The following PSPC1 variants were observed in gnomAD, a reference collection of about 807,000 sequenced individuals.
PSPC1 encodes the protein paraspeckle component 1, also known as paraspeckle protein 1.
Under a neutral mutation model 51.6 loss-of-function variants are expected in PSPC1, and 14 were observed. The ratio of observed to expected loss-of-function variants is 0.27; its 90% CI spans 0.18 to 0.42. The LOEUF (loss-of-function observed/expected upper bound fraction) is 0.42, where lower values mean the gene tolerates loss of function less well. Among genes scored for constraint, PSPC1 ranks in the 10% least tolerant of loss-of-function variants. PSPC1 has a pLI of 1.00. For synonymous variants in PSPC1, 193 were observed against 231.9 expected (o/e 0.83, Z 1.53); for missense variants, 406 against 701.1 (o/e 0.58, Z 4.75).
chr13:19,738,823 C>T (rs184083950), intron 5 of PSPC1, among the ~76,000 whole-genome samples: 38 of 151,042 alleles, frequency 2.5e-4, no homozygotes, highest in African/African-American at 8.8e-4. Flanking sequence ...AGGAGAATGG[C>T]GTGAACTCGG....
intron 6 of PSPC1, among the ~76,000 whole-genome samples, chr13:19,682,692 T>C (rs564293512): frequency 3.3e-5 from 5 of 152,250 alleles, no homozygotes; most frequent in African/African-American, 1.2e-4. Context: ...GGAAATCTTA[T>C]ACATTGTTCA....
intron 3 of PSPC1, among the ~76,000 whole-genome samples, chr13:19,752,520 T>A (rs552876662): frequency 6.6e-6 from 1 of 152,140 alleles, no homozygotes; most frequent in South Asian, 2.1e-4. Context: ...CCTCCAAAAG[T>A]GCAAAATTAC....
intron 7 of PSPC1, among the ~76,000 whole-genome samples, chr13:19,677,525 G>T (rs762998379): frequency 1.3e-5 from 2 of 152,140 alleles, no homozygotes; most frequent in Non-Finnish European, 2.9e-5. Context: ...GGTTTCCTAC[G>T]AAGACAGGCC....
At chr13:19,675,757 A>G (rs1433451360) in intron 7 of PSPC1, 1 of 152,236 alleles carries the variant, frequency 6.6e-6, no homozygotes, top group African/African-American at 2.4e-5. Context: ...TTGCTAGACT[A>G]GAATCACTGA....
chr13:19,745,300 CA>C (rs1352003230), intron 4 of PSPC1, among the ~76,000 whole-genome samples: 1 of 152,080 alleles, frequency 6.6e-6, no homozygotes, highest in African/African-American at 2.4e-5. Context: ...GCCTGGGTGA[CA>C]CAGCAAGACT....
chr13:19,778,289 TAA>T (rs1210641446), intron 1 of PSPC1, among the ~76,000 whole-genome samples: 2 of 86,490 alleles, frequency 2.3e-5, no homozygotes, highest in African/African-American at 5.2e-5. Flanking sequence ...ATTAATTTTT[TAA>T]AAAAGAAAAA....
rs746870227 is a variant in PSPC1, at chr13:19,772,242, G to A, written c.674C>T (p.Thr225Met). The change falls in exon 2 of 9, where the codon ACG becomes ATG. Residue 225 changes from threonine (T) to methionine (M), a missense_variant and splice_region_variant. Thr to Met is a moderately conservative substitution (Grantham distance 81). Transcript: ENST00000338910. The part of the protein sequence containing the change: ...RCGDGAFLLT[T>M]TPRPVIVEPM... Reference sequence around the variant, plus strand: ...GAAGGACAAGATATTTAAAACTTACGTTGTTAGCAAGAATGCCCCATCACC... The same window carrying A: ...GAAGGACAAGATATTTAAAACTTACATTGTTAGCAAGAATGCCCCATCACC... 8 of 1,611,158 alleles carry A rather than the reference G, an allele frequency of 5.0e-6. No individual in the cohort carries two copies. The highest frequency in any genetic ancestry group is 4.0e-5 in the African/African-American group (3 of 74,744).
chr13:19,742,394 A>C (rs1311474490), intron 4 of PSPC1, among the ~76,000 whole-genome samples: 3 of 151,706 alleles, frequency 2.0e-5, no homozygotes, highest in Non-Finnish European at 4.4e-5. Context: ...ACTTCGGCCG[A>C]GGAGTTCGAG....
At chr13:19,741,487 T>C (rs1355460979) in intron 5 of PSPC1, 78 bp downstream of exon 5, 7 of 1,039,526 alleles carry the variant, frequency 6.7e-6, no homozygotes, top group Admixed American at 2.4e-5. Flanking sequence ...ACTCAACTTA[T>C]ACAACTTGTA....
intron 6 of PSPC1, chr13:19,679,229 T>G (rs1877003774): frequency 6.6e-6 from 1 of 152,368 alleles, no homozygotes; most frequent in Non-Finnish European, 1.5e-5. Context: ...GTGCAGTGGC[T>G]CACGCCTGTA....
chr13:19,737,830 A>G (rs1434363871), intron 5 of PSPC1, among the ~76,000 whole-genome samples: 4 of 152,172 alleles, frequency 2.6e-5, no homozygotes, highest in African/African-American at 7.2e-5. Flanking sequence ...CATGCCTGTA[A>G]TATCAGCGCT....
chr13:19,780,832 G>C (rs969657656), intron 1 of PSPC1, among the ~76,000 whole-genome samples: 1 of 152,094 alleles, frequency 6.6e-6, no homozygotes, highest in South Asian at 2.1e-4. Context: ...AAAAGATTTT[G>C]TATCGTCCAG....
chr13:19,715,234 G>A (rs1290102881), intron 6 of PSPC1, among the ~76,000 whole-genome samples: 2 of 152,040 alleles, frequency 1.3e-5, no homozygotes, highest in East Asian at 1.9e-4. Context: ...AAATATGGAA[G>A]CCAAAAGGTT....
At chr13:19,715,031 A>C (rs1881927363) in intron 6 of PSPC1, among the ~76,000 whole-genome samples, 1 of 152,210 alleles carries the variant, frequency 6.6e-6, no homozygotes, top group Non-Finnish European at 1.5e-5. Flanking sequence ...ACATAAAACA[A>C]CACCATTCTT....
At chr13:19,780,040 C>T (rs1452817564) in intron 1 of PSPC1, among the ~76,000 whole-genome samples, 69 of 139,216 alleles carry the variant, frequency 5.0e-4, no homozygotes, top group Middle Eastern at 4.6e-3. Context: ...CGGCCAGCCG[C>T]CCCGTCCGGG....
At position 19,723,873 on chromosome 13, in the gene PSPC1, T is replaced by G. The variant is rs574037659; in HGVS notation, c.1158+6366A>C. 1.6e-3 allele frequency among the ~76,000 whole-genome samples: 245 copies of G among 152,316 alleles called. 1 individual carries two copies. Among genetic ancestry groups the G allele is most frequent in the Non-Finnish European group, 3.1e-3 (212 of 68,032 alleles). On this transcript the variant is annotated intron_variant, in intron 6 of 8. Coordinates refer to ENST00000338910, the MANE Select transcript of PSPC1 (RefSeq NM_001354909.2). ...CCGAAACTAGTCACAACTAGAACAT[T>G]ACATATGAGACCATTGCAATGTCTG...
chr13:19,778,888 G>A (rs1389067459), intron 1 of PSPC1, among the ~76,000 whole-genome samples: 211 of 89,044 alleles, frequency 2.4e-3, no homozygotes, highest in African/African-American at 7.1e-3. Context: ...AAAGTGAGGA[G>A]CATCTCCGCC....
At position 19,706,929 on chromosome 13, in the gene PSPC1, T is replaced by C. The variant is rs544317164; in HGVS notation, c.1217-1098A>G. Among the ~76,000 whole-genome samples the C allele has an allele frequency of 6.2e-4, 94 of 152,284 alleles. 1 individual carries two copies. In the South Asian group the frequency reaches 0.01, roughly 17 times the overall value. On this transcript the variant is annotated intron_variant, in intron 7 of 8. Transcript: ENST00000338910. ...ACCTAGCAAATTCATAGGAAGGAAT[T>C]ATTTCCTTCATCCCCAAATGCTCTT...
chr13:19,698,087 T>C (rs1342593644), downstream of PSPC1, among the ~76,000 whole-genome samples: 1 of 152,112 alleles, frequency 6.6e-6, no homozygotes, highest in Middle Eastern at 3.4e-3. Flanking sequence ...CCCTTTTGCA[T>C]AAAAGCAGCT....
Sources: gnomAD v4.1 joint callset for allele counts (sites outside exome capture counted in the v4.1 genomes callset) on GRCh38, gnomAD v4.1.1 for gene constraint, MANE v1.5 for transcripts, NCBI Gene and HGNC (gene_info 2026-07-23, HGNC 2026-07-21) for gene names.